SUPT3H: variants seen among roughly 807,000 people sequenced by gnomAD.
SUPT3H encodes transcription initiation protein SPT3 homolog.
Under a neutral mutation model 44.3 loss-of-function variants are expected in SUPT3H, and 44 were observed. The observed-to-expected ratio is 0.99, with a 90% CI of 0.78 to 1.28. The LOEUF (loss-of-function observed/expected upper bound fraction) is 1.28, where lower values mean the gene tolerates loss of function less well. SUPT3H is among the 50% of genes most tolerant of loss of function. SUPT3H has a pLI of 0.00. For synonymous variants in SUPT3H, 124 were observed against 125.6 expected, an observed-to-expected ratio of 0.99 and a Z score of 0.09; for missense variants, 380 against 387.1, an observed-to-expected ratio of 0.98 and a Z score of 0.15.
chr6:44,849,231 T>A (rs1354513384), intron 10 of SUPT3H, among the ~76,000 whole-genome samples: 1 of 140,900 alleles, frequency 7.1e-6, no homozygotes. Context: ...TTTTTTTTTT[T>A]TTTTTTTTTT....
At chr6:44,960,734 T>C (rs1775907501) in intron 7 of SUPT3H, among the ~76,000 whole-genome samples, 1 of 152,184 alleles carries the variant, frequency 6.6e-6, no homozygotes, top group Non-Finnish European at 1.5e-5. Context: ...TGCCATGATC[T>C]GAAGTGCCAT....
chr6:45,003,600 T>A (rs1001489828), intron 6 of SUPT3H, 53 bp downstream of exon 6: 2 of 1,585,942 alleles, frequency 1.3e-6, no homozygotes, highest in African/African-American at 1.4e-5. Flanking sequence ...CCAAACAGCA[T>A]AGGCACTGCA....
chr6:44,863,389 G>C (rs895205340), intron 10 of SUPT3H, among the ~76,000 whole-genome samples: 1 of 152,224 alleles, frequency 6.6e-6, no homozygotes, highest in Admixed American at 6.5e-5. Context: ...GCAACGGTGA[G>C]TTCTAGAGAG....
chr6:45,250,467 T>C (rs1234467706), intron 2 of SUPT3H, among the ~76,000 whole-genome samples: 1 of 151,492 alleles, frequency 6.6e-6, no homozygotes, highest in Non-Finnish European at 1.5e-5. Flanking sequence ...ATTTTCCAGA[T>C]AAAGTTGAGA....
In SUPT3H at chr6:45,150,741, A is replaced by T. The variant is rs6928707; in HGVS notation, c.102-44735T>A. Reference sequence around the variant, plus strand: ...CTGCGTTTTTTTTTTTTTTTTTTTTAAGATGGAGTCTCACTCTGTCGCCCA... The same window carrying T: ...CTGCGTTTTTTTTTTTTTTTTTTTTTAGATGGAGTCTCACTCTGTCGCCCA... On this transcript the variant is annotated intron_variant, in intron 2 of 10. Transcript: ENST00000371459. 9.1e-3 allele frequency among the ~76,000 whole-genome samples: 1,110 copies of T among 122,222 alleles called. 15 individuals are homozygous for T. The highest frequency in any genetic ancestry group is 0.017 in the East Asian group (70 of 4,228). The allele number at this position is 122,222 out of a possible 152,430, so 80.2% of individuals were successfully genotyped here. A position where few individuals can be genotyped will look rare whatever the true frequency, so the allele number is the denominator to read the frequency against.
intron 11 of SUPT3H, among the ~76,000 whole-genome samples, chr6:44,815,439 T>C (rs1766847817): frequency 6.6e-6 from 1 of 152,082 alleles, no homozygotes; most frequent in South Asian, 2.1e-4. Context: ...CACCTAACTA[T>C]AGGCTATCAG....
At chr6:44,953,544 T>C in intron 8 of SUPT3H, 127 bp from the exon 9 acceptor site, 1 of 699,424 alleles carries the variant, frequency 1.4e-6, no homozygotes, top group Non-Finnish European at 2.4e-6. Flanking sequence ...ATCTATATTG[T>C]AGACATGAGC....
chr6:45,034,997 A>G (rs773868727), intron 3 of SUPT3H, among the ~76,000 whole-genome samples: 14 of 152,188 alleles, frequency 9.2e-5, no homozygotes, highest in Admixed American at 3.3e-4. Flanking sequence ...AATATGTAAA[A>G]TTCAGTAATT....
At chr6:44,825,830 A>C (rs550912927), downstream of SUPT3H, among the ~76,000 whole-genome samples, 135 of 152,290 alleles carry the variant, frequency 8.9e-4, no homozygotes, top group African/African-American at 3.1e-3. Context: ...CTTTGAAAAA[A>C]ATGAGAATAG....
intron 2 of SUPT3H, among the ~76,000 whole-genome samples, chr6:45,161,196 C>T (rs1583924628): frequency 6.6e-6 from 1 of 152,230 alleles, no homozygotes; most frequent in East Asian, 1.9e-4. Context: ...GTCCATTAAA[C>T]CTCTTTTCTT....
At chr6:44,857,076 A>G (rs1370327339) in intron 10 of SUPT3H, among the ~76,000 whole-genome samples, 1 of 152,228 alleles carries the variant, frequency 6.6e-6, no homozygotes, top group African/African-American at 2.4e-5. Flanking sequence ...TTTGAGACTC[A>G]AAGAAATAAT....
chr6:45,055,510 GA>G (rs1790968701), intron 3 of SUPT3H, among the ~76,000 whole-genome samples: 4 of 152,090 alleles, frequency 2.6e-5, no homozygotes. Flanking sequence ...AGAGAGCCCA[GA>G]AATAAAGCCA....
At chr6:45,363,037 T>C (rs554406343) in intron 2 of SUPT3H, among the ~76,000 whole-genome samples, 1 of 152,240 alleles carries the variant, frequency 6.6e-6, no homozygotes, top group Non-Finnish European at 1.5e-5. Flanking sequence ...TTAATTTTTG[T>C]AGTCTTCTTC....
chr6:45,314,046 C>A (rs909893820), intron 2 of SUPT3H, among the ~76,000 whole-genome samples: 2 of 152,062 alleles, frequency 1.3e-5, no homozygotes. Context: ...AAAAATCACA[C>A]AATCATCTCA....
At chr6:44,934,580 TAAG>T (rs1267432452) in intron 9 of SUPT3H, among the ~76,000 whole-genome samples, 1 of 152,194 alleles carries the variant, frequency 6.6e-6, no homozygotes, top group Non-Finnish European at 1.5e-5. Flanking sequence ...GGTATTAGGA[TAAG>T]AAGCCTCTGG....
chr6:44,901,511 T>C (rs4711803), intron 10 of SUPT3H, among the ~76,000 whole-genome samples: 65,896 of 149,042 alleles, frequency 0.44, 14,535 homozygotes, highest in Admixed American at 0.54. Context: ...CTCCAAGAAA[T>C]ATGGGACTAT....
At chr6:45,019,216 T>C (rs940902590) in intron 4 of SUPT3H, among the ~76,000 whole-genome samples, 6 of 152,238 alleles carry the variant, frequency 3.9e-5, no homozygotes, top group African/African-American at 1.4e-4. Context: ...TTTTTTATTA[T>C]GTCTATTTGA....
intron 10 of SUPT3H, among the ~76,000 whole-genome samples, chr6:44,927,798 C>A (rs1204810302): frequency 6.6e-6 from 1 of 151,958 alleles, no homozygotes; most frequent in Non-Finnish European, 1.5e-5. Context: ...ATAAACAAAC[C>A]ACATTATTAT....
intron 10 of SUPT3H, among the ~76,000 whole-genome samples, chr6:44,886,018 G>A (rs181308081): frequency 7.6e-4 from 116 of 152,278 alleles, no homozygotes; most frequent in African/African-American, 2.2e-3. Flanking sequence ...GGGTATCAGT[G>A]ATGGAAGATG....
Sources: allele counts gnomAD v4.1 joint callset (sites outside exome capture counted in the v4.1 genomes callset), GRCh38; gene constraint gnomAD v4.1.1; transcripts MANE v1.5; gene names NCBI Gene and HGNC (gene_info 2026-07-23, HGNC 2026-07-21).